ALS2: variants seen among roughly 807,000 people sequenced by gnomAD.
The protein encoded by ALS2 is alsin.
In ALS2, 117 loss-of-function variants were observed where a neutral mutation model predicts 203.4. The observed-to-expected ratio is 0.58, with a 90% CI of 0.50 to 0.67. ALS2 has a LOEUF of 0.67. Ranked by LOEUF, ALS2 falls within the 30% of genes least tolerant of loss-of-function variation. ALS2 has a pLI of 0.00. For synonymous variants in ALS2, 718 were observed against 725.9 expected (o/e 0.99, Z 0.17); for missense variants, 1,715 against 1,989.4 (o/e 0.86, Z 2.62).
chr2:201,739,605 C>T (rs774158702), intron 11 of ALS2, among the ~76,000 whole-genome samples: 6 of 151,810 alleles, frequency 4.0e-5, no homozygotes, highest in East Asian at 1.9e-4. Flanking sequence ...TAGCTGGGCG[C>T]GGTGGCGGAT....
Position 201,733,966 on chromosome 2 carries a change from G to T in ALS2, c.2418-528C>A, listed in dbSNP as rs999046177. On this transcript the variant is annotated intron_variant, in intron 12 of 33. Transcript: ENST00000264276. ...ATAGGAAAGTAATAAAAAGCTGCAA[G>T]AACTAGTATTACAGTTAACAAGAAA... is the stretch of plus-strand genomic sequence containing the variant. Among the ~76,000 whole-genome samples the T allele has an allele frequency of 4.6e-5, 7 of 152,230 alleles. No homozygotes were observed. In the East Asian group the frequency reaches 1.3e-3, roughly 29 times the overall value.
chr2:201,763,128 A>G (rs1199091974), intron 3 of ALS2: 1 of 211,382 alleles, frequency 4.7e-6, no homozygotes, highest in Admixed American at 5.8e-5. Flanking sequence ...ACTTGCTCCA[A>G]GGAGGTGGCC....
chr2:201,719,679 G>A (rs1387092413), intron 23 of ALS2, among the ~76,000 whole-genome samples: 1 of 152,184 alleles, frequency 6.6e-6, no homozygotes, highest in Non-Finnish European at 1.5e-5. Context: ...TGCTATGTGA[G>A]GCCTCAGCCA....
chr2:201,715,011 G>T (rs1168403641), intron 25 of ALS2, among the ~76,000 whole-genome samples: 1 of 152,192 alleles, frequency 6.6e-6, no homozygotes, highest in East Asian at 1.9e-4. Context: ...TGGGAGAACA[G>T]AGAACAAAGC....
chr2:201,732,734 A>T (rs1444565822), intron 13 of ALS2, among the ~76,000 whole-genome samples: 2 of 152,214 alleles, frequency 1.3e-5, no homozygotes, highest in African/African-American at 4.8e-5. Flanking sequence ...TCTATATCCT[A>T]GTGTGGTGCT....
chr2:201,745,106 T>C (rs1295115690), intron 9 of ALS2, among the ~76,000 whole-genome samples: 1 of 152,236 alleles, frequency 6.6e-6, no homozygotes, highest in African/African-American at 2.4e-5. Flanking sequence ...TTCATTCCTT[T>C]CATCAGCCTA....
At chr2:201,716,959 T>C (rs1690435488) in intron 24 of ALS2, among the ~76,000 whole-genome samples, 1 of 152,042 alleles carries the variant, frequency 6.6e-6, no homozygotes, top group African/African-American at 2.4e-5. Context: ...AACAGACATA[T>C]GCCAAAAACT....
intron 24 of ALS2, among the ~76,000 whole-genome samples, 193 bp from the exon 25 acceptor site, chr2:201,716,032 G>A (rs901342001): frequency 6.6e-6 from 1 of 152,140 alleles, no homozygotes; most frequent in Non-Finnish European, 1.5e-5. Context: ...ATTGTTTTTT[G>A]GATATTAAAG....
chr2:201,776,840 C>G (rs569328499), intron 1 of ALS2, among the ~76,000 whole-genome samples: 2 of 152,238 alleles, frequency 1.3e-5, no homozygotes, highest in South Asian at 4.1e-4. Context: ...AGCAGGTTCT[C>G]TTTATTAGAA....
At chr2:201,734,926 A>G (rs1006024704) in intron 12 of ALS2, among the ~76,000 whole-genome samples, 22 of 152,274 alleles carry the variant, frequency 1.4e-4, no homozygotes, top group African/African-American at 5.3e-4. Context: ...TTTTAAAATA[A>G]AAAAATATTA....
chr2:201,713,510 T>C (rs1277204713), intron 25 of ALS2, among the ~76,000 whole-genome samples: 5 of 152,242 alleles, frequency 3.3e-5, no homozygotes, highest in Admixed American at 1.3e-4. Flanking sequence ...TATTTTTTCA[T>C]GTTTTTTCTC....
At chr2:201,724,247 T>C (rs1298502213) in intron 21 of ALS2, 48 bp downstream of exon 21, 1 of 1,548,780 alleles carries the variant, frequency 6.5e-7, no homozygotes, top group Non-Finnish European at 8.9e-7. Flanking sequence ...ATAATGATGG[T>C]GCTTAATCAT....
intron 5 of ALS2, among the ~76,000 whole-genome samples, 180 bp from the exon 6 acceptor site, chr2:201,754,851 C>A (rs1023035347): frequency 2.0e-5 from 3 of 152,226 alleles, no homozygotes; most frequent in African/African-American, 7.2e-5. Flanking sequence ...TAAATACTCA[C>A]TGCTACAATC....
chr2:201,777,099 C>A (rs1694694928), intron 1 of ALS2, among the ~76,000 whole-genome samples: 1 of 152,152 alleles, frequency 6.6e-6, no homozygotes, highest in South Asian at 2.1e-4. Flanking sequence ...TAATACTACA[C>A]AAATCTGTAG....
intron 15 of ALS2, 48 bp from the exon 16 acceptor site, chr2:201,727,823 T>G (rs1303960739): frequency 5.3e-6 from 8 of 1,505,262 alleles, no homozygotes; most frequent in Admixed American, 2.0e-5. Context: ...CATGTAGACC[T>G]CGGGGACTCT....
Position 201,744,277 on chromosome 2 carries a change from G to A in ALS2, c.2151C>T (p.Leu717=). 1 of 1,614,106 alleles carries A rather than the reference G, an allele frequency of 6.2e-7. No homozygotes were observed. Among genetic ancestry groups the A allele is most frequent in the South Asian group, 1.1e-5 (1 of 91,084 alleles). The change falls in exon 10 of 34, where the codon CTC becomes CTT. Residue 717 remains leucine, a synonymous_variant. Coordinates refer to ENST00000264276, the MANE Select transcript of ALS2 (RefSeq NM_020919.4). ...SKLSDIKSQI[L]RPLLSLENLG... ...ACTTACCTAAACTGAGAAGAGGCCT[G>A]AGAATCTGAGATTTGATATCACTTA...
chr2:201,726,816 C>G lies in ALS2; in HGVS notation c.3030G>C (p.Gly1010=). The part of the protein sequence containing the change: ...ISQAVDQALR[G]MSDLPPYGSG... ...TTCCATAAGGGGGGAGATCAGACAT[C>G]CCTCTCAAAGCCTGATCTACGGCTT... Residue 1010 remains glycine, a synonymous_variant, in exon 18 of 34, where the codon GGG becomes GGC. Transcript: ENST00000264276. The G allele has an allele frequency of 6.2e-7, 1 of 1,614,178 alleles. No individual in the cohort carries two copies. Among genetic ancestry groups the G allele is most frequent in the Non-Finnish European group, 8.5e-7 (1 of 1,180,026 alleles).
chr2:201,750,720 A>G (rs765315293), intron 7 of ALS2, among the ~76,000 whole-genome samples: 1 of 152,230 alleles, frequency 6.6e-6, no homozygotes, highest in Non-Finnish European at 1.5e-5. Context: ...TCACTGATCA[A>G]CCACTTGGTG....
intron 25 of ALS2, among the ~76,000 whole-genome samples, chr2:201,715,047 G>T (rs1454341138): frequency 6.6e-6 from 1 of 152,154 alleles, no homozygotes; most frequent in Non-Finnish European, 1.5e-5. Context: ...GTTGGGGCTT[G>T]GCCTTCCCTT....
Sources: gnomAD v4.1 joint callset for allele counts (sites outside exome capture counted in the v4.1 genomes callset) on GRCh38, gnomAD v4.1.1 for gene constraint, MANE v1.5 for transcripts, NCBI Gene and HGNC (gene_info 2026-07-23, HGNC 2026-07-21) for gene names.